Variants in FBP1 observed in about 807,000 individuals in gnomAD.
FBP1 encodes fructose-1,6-bisphosphatase 1.
In FBP1, 22 loss-of-function variants were observed where a neutral mutation model predicts 29.9. The ratio of observed to expected loss-of-function variants is 0.74; its 90% CI spans 0.53 to 1.05. The LOEUF (loss-of-function observed/expected upper bound fraction) is 1.05, where lower values mean the gene tolerates loss of function less well. Among genes scored for constraint, FBP1 ranks in the 50% least tolerant of loss-of-function variants. The pLI is 0.00. For synonymous variants in FBP1, 175 were observed against 178.6 expected (o/e 0.98, Z 0.16); for missense variants, 345 against 448.2 (o/e 0.77, Z 2.08).
Position 94,605,528 on chromosome 9 carries a change from C to T in FBP1, c.754G>A (p.Asp252Asn), listed in dbSNP as rs1257712650. The change falls in exon 6 of 7, where the codon GAT becomes AAT. Residue 252 changes from aspartate to asparagine, a missense_variant. Transcript: ENST00000375326. The stretch of plus-strand genomic sequence containing the variant: ...CCGTAGACCAGAGTGCGATGAACAT[C>T]AGCCACCATGGAGCCCACATACCGG... ...GARYVGSMVA[D>N]VHRTLVYGGI... 6.2e-7 allele frequency: 1 copy of T among 1,613,814 alleles called. No individual in the cohort carries two copies. The highest frequency in any genetic ancestry group is 2.2e-5 in the East Asian group (1 of 44,884).
intron 6 of FBP1, chr9:94,603,869 C>A: frequency 2.4e-6 from 1 of 419,960 alleles, no homozygotes; most frequent in Non-Finnish European, 4.5e-6. Flanking sequence ...TTGGCAGAAG[C>A]GATCATTGCC....
chr9:94,624,420 A>G (rs1480464549), intron 1 of FBP1, among the ~76,000 whole-genome samples: 1 of 151,708 alleles, frequency 6.6e-6, no homozygotes, highest in Non-Finnish European at 1.5e-5. Flanking sequence ...TGGGAGGCCA[A>G]GGCGGGTGGA....
chr9:94,632,175 G>T (rs4743961), intron 1 of FBP1, among the ~76,000 whole-genome samples: 1 of 151,944 alleles, frequency 6.6e-6, no homozygotes, highest in African/African-American at 2.4e-5. Context: ...CTGTCAAACA[G>T]CTGAGAGGAC....
At position 94,605,552 on chromosome 9, in the gene FBP1, G is replaced by C; in HGVS notation, c.730C>G (p.Arg244Gly). Residue 244 changes from arginine to glycine, a missense_variant, in exon 6 of 7, where the codon CGG (arginine) becomes GGG (glycine). Coordinates refer to ENST00000375326, the MANE Select transcript of FBP1 (RefSeq NM_000507.4). ...TCAGCCACCATGGAGCCCACATACC[G>C]GGCCCCATAAGGAGCTGAATTATCC... ...PPDNSAPYGA[R>G]YVGSMVADVH... The C allele has an allele frequency of 6.2e-7, 1 of 1,613,776 alleles. No individual in the cohort carries two copies.
chr9:94,625,193 G>A (rs536201091), intron 1 of FBP1, among the ~76,000 whole-genome samples: 1 of 152,100 alleles, frequency 6.6e-6, no homozygotes, highest in East Asian at 1.9e-4. Context: ...GTGTCAGGGT[G>A]GGTGACTTAG....
At chr9:94,636,030 A>C (rs1041086808) in intron 1 of FBP1, among the ~76,000 whole-genome samples, 1 of 152,250 alleles carries the variant, frequency 6.6e-6, no homozygotes, top group Non-Finnish European at 1.5e-5. Context: ...TATCCGGAAA[A>C]ATAAGCAGTA....
intron 1 of FBP1, among the ~76,000 whole-genome samples, chr9:94,632,597 G>T (rs1828120322): frequency 6.7e-6 from 1 of 149,160 alleles, no homozygotes; most frequent in African/African-American, 2.5e-5. Context: ...GAACCTTGGA[G>T]GTGGAGGTTG....
At chr9:94,627,244 A>G (rs1587864660) in intron 1 of FBP1, among the ~76,000 whole-genome samples, 1 of 151,466 alleles carries the variant, frequency 6.6e-6, no homozygotes, top group South Asian at 2.1e-4. Context: ...AATCCCAGCT[A>G]GTAGGGAGGC....
intron 2 of FBP1, among the ~76,000 whole-genome samples, chr9:94,619,072 C>T (rs919275022): frequency 3.9e-5 from 6 of 152,088 alleles, no homozygotes; most frequent in African/African-American, 1.4e-4. Flanking sequence ...GAAACTGGAA[C>T]ACAGGAAGCT....
intron 1 of FBP1, among the ~76,000 whole-genome samples, chr9:94,633,455 C>T (rs1275484731): frequency 6.6e-6 from 1 of 152,158 alleles, no homozygotes; most frequent in Non-Finnish European, 1.5e-5. Flanking sequence ...TCACCCTTGC[C>T]ATTTGATGCT....
At chr9:94,612,551 T>C (rs1264816122) in intron 3 of FBP1, among the ~76,000 whole-genome samples, 2 of 53,790 alleles carry the variant, frequency 3.7e-5, no homozygotes, top group African/African-American at 1.0e-4. Context: ...AGCCCCCAAT[T>C]TTTTTTTTTT....
chr9:94,611,075 G>A, intron 3 of FBP1, among the ~76,000 whole-genome samples: 1 of 152,030 alleles, frequency 6.6e-6, no homozygotes, highest in East Asian at 1.9e-4. Context: ...GTGTTAGCCA[G>A]GATGGTCTCT....
chr9:94,617,057 G>C (rs1827874926), intron 3 of FBP1, among the ~76,000 whole-genome samples: 1 of 152,156 alleles, frequency 6.6e-6, no homozygotes, highest in Non-Finnish European at 1.5e-5. Flanking sequence ...CTACGACTTA[G>C]AGCAAAGCTC....
intron 6 of FBP1, chr9:94,603,983 G>A (rs1004448411): frequency 1.3e-5 from 4 of 316,130 alleles, no homozygotes; most frequent in African/African-American, 2.2e-5. Context: ...GGTGGTGTCT[G>A]GCTACAGACA....
At chr9:94,631,882 G>A (rs1268217337) in intron 1 of FBP1, among the ~76,000 whole-genome samples, 1 of 152,098 alleles carries the variant, frequency 6.6e-6, no homozygotes, top group Non-Finnish European at 1.5e-5. Context: ...AGGTGCTAGT[G>A]AGAGCTGCTT....
intron 4 of FBP1, among the ~76,000 whole-genome samples, chr9:94,608,293 G>A (rs1827731288): frequency 1.3e-5 from 2 of 152,322 alleles, no homozygotes; most frequent in South Asian, 4.1e-4. Flanking sequence ...AGCCCCGTCA[G>A]GCACCGCAGA....
rs1462164358 is a variant in FBP1, at chr9:94,603,633, CT to C, written c.826-62del. On this transcript the variant is annotated intron_variant, in intron 6 of 6. Transcript: ENST00000375326. ...CAGAAGGTATTGCGTAAAAAAGAGA[CT>C]TTTCTGCAGCAAAACATGCAGAGCT... is the stretch of plus-strand genomic sequence containing the variant. 46 of 1,478,230 alleles carry C rather than the reference CT, an allele frequency of 3.1e-5. No individual in the cohort carries two copies. In the Admixed American group the frequency reaches 3.9e-4, roughly 12 times the overall value. 91.6% of individuals were successfully genotyped at this position (1,478,230 alleles called of 1,614,324 possible).
chr9:94,603,613 G>A, intron 6 of FBP1, 41 bp from the exon 7 acceptor site: 2 of 1,583,760 alleles, frequency 1.3e-6, no homozygotes, highest in Non-Finnish European at 1.7e-6. Flanking sequence ...TGTATCAGAA[G>A]GTATTGCGTA....
At position 94,620,362 on chromosome 9, in the gene FBP1, ATCT is replaced by A; in HGVS notation, c.297_299del (p.Glu99del). On this transcript the variant is annotated inframe_deletion, in exon 2 of 7. Transcript: ENST00000375326. The stretch of plus-strand genomic sequence containing the variant: ...CCGGTTCCACTATGATGGCGTGTTT[ATCT>A]TCTTCTGACACGAGAACACACGTGG... The A allele has an allele frequency of 6.2e-7, 1 of 1,614,236 alleles. No homozygotes were observed. The highest frequency in any genetic ancestry group is 8.5e-7 in the Non-Finnish European group (1 of 1,180,042).
Sources: allele counts gnomAD v4.1 joint callset (sites outside exome capture counted in the v4.1 genomes callset), GRCh38; gene constraint gnomAD v4.1.1; transcripts MANE v1.5; gene names NCBI Gene and HGNC (gene_info 2026-07-23, HGNC 2026-07-21).